Variants in TMEM234 observed in about 807,000 individuals in gnomAD.
TMEM234 encodes the protein transmembrane protein 234.
TMEM234 carries 21 observed loss-of-function variants against 17.8 expected under a neutral mutation model. The ratio of observed to expected loss-of-function variants is 1.18; its 90% CI spans 0.84 to 1.70. The LOEUF (loss-of-function observed/expected upper bound fraction) is 1.70. TMEM234 is among the 40% of genes most tolerant of loss of function. TMEM234 has a pLI of 0.00. For missense variants in TMEM234, 137 were observed against 166.9 expected (o/e 0.82, Z 0.99); for synonymous variants, 83 against 73.5 (o/e 1.13, Z -0.66).
chr1:32,219,399 TG>T (rs1197766489), intron 3 of TMEM234, among the ~76,000 whole-genome samples: 1 of 152,122 alleles, frequency 6.6e-6, no homozygotes, highest in African/African-American at 2.4e-5. Context: ...TCGTTTTTGT[TG>T]TTGTTGTTTT....
chr1:32,215,018 TG>T, downstream of TMEM234: 1 of 1,529,032 alleles, frequency 6.5e-7, no homozygotes, highest in Non-Finnish European at 8.8e-7. Flanking sequence ...GGGATGTCCA[TG>T]GGAGCAGAAT....
At position 32,222,014 on chromosome 1, in the gene TMEM234, C is replaced by T. The variant is rs751467766; in HGVS notation, c.21G>A (p.Gln7=). ...CGGCCACCAGCACCAGAGCCAACAC[C>T]TGCCCTGAATGCAGACGAGTGAGTC... MAASLG[Q]VLALVLVAAL... The change falls in exon 2 of 5, where the codon CAG becomes CAA. Residue 7 remains glutamine (Q), a synonymous_variant. Coordinates refer to ENST00000309777, the MANE Select transcript of TMEM234 (RefSeq NM_019118.5). 6 of 1,610,654 alleles carry T rather than the reference C, an allele frequency of 3.7e-6. No individual in the cohort carries two copies. The highest frequency in any genetic ancestry group is 3.4e-6 in the Non-Finnish European group (4 of 1,179,134).
At chr1:32,215,713 C>T, downstream of TMEM234, 1 of 1,213,678 alleles carries the variant, frequency 8.2e-7, no homozygotes. Flanking sequence ...CCAGTTTCTT[C>T]CTTCCTTGGG....
downstream of TMEM234, chr1:32,214,567 T>C: frequency 1.8e-6 from 1 of 548,498 alleles, no homozygotes; most frequent in South Asian, 2.2e-5. Flanking sequence ...GGAAGCACAG[T>C]CTGGTTTCAC....
downstream of TMEM234, chr1:32,214,625 T>C: frequency 1.1e-6 from 1 of 886,724 alleles, no homozygotes; most frequent in African/African-American, 1.7e-5. Flanking sequence ...CCTGGATAAG[T>C]CAGGCTGGTG....
chr1:32,215,636 C>A, downstream of TMEM234: 1 of 1,237,438 alleles, frequency 8.1e-7, no homozygotes, highest in East Asian at 2.4e-5. Flanking sequence ...GTTCTCCTCC[C>A]TTGTGATTGA....
At chr1:32,218,162 C>T (rs1381929039) in intron 3 of TMEM234, among the ~76,000 whole-genome samples, 3 of 152,336 alleles carry the variant, frequency 2.0e-5, no homozygotes, top group African/African-American at 4.8e-5. Context: ...GGGTGGCTCA[C>T]GCCTGTAATC....
At chr1:32,216,040 C>T (rs927262404), downstream of TMEM234, 2 of 778,878 alleles carry the variant, frequency 2.6e-6, no homozygotes, top group Non-Finnish European at 4.2e-6. Context: ...TCCCCGTTCT[C>T]CTGCTCCTAA....
At chr1:32,220,499 G>A (rs1394653134) in intron 3 of TMEM234, among the ~76,000 whole-genome samples, 1 of 152,172 alleles carries the variant, frequency 6.6e-6, no homozygotes, top group Non-Finnish European at 1.5e-5. Flanking sequence ...TTAATATATG[G>A]CTTCAAATCC....
rs994354980 is a variant in TMEM234 at position 32,216,615 on chromosome 1, CT to C, written c.*237del. 2 of 1,535,700 alleles carry C rather than the reference CT, an allele frequency of 1.3e-6. No individual in the cohort carries two copies. The highest frequency in any genetic ancestry group is 2.7e-5 in the African/African-American group (2 of 72,766). On this transcript the variant is annotated 3_prime_UTR_variant, in exon 5 of 5. Transcript: ENST00000309777. ...GAGAGCTGCTGGGGCAGAAAGGTTG[CT>C]GAGGGTGAGCGTAGAGTCTCCTGTG...
At chr1:32,214,659 ACGTACTTTGTGAAGACAGACGGTGT>A, downstream of TMEM234, 1 of 1,253,186 alleles carries the variant, frequency 8.0e-7, no homozygotes, top group Non-Finnish European at 1.1e-6. Flanking sequence ...AGGAGGGAGG[ACGTACTTTGTGAAGACAGACGGTGT>A]CTCCTCTGCC....
At chr1:32,214,834 C>T (rs1638251329), downstream of TMEM234, 1 of 1,613,986 alleles carries the variant, frequency 6.2e-7, no homozygotes, top group South Asian at 1.1e-5. Context: ...CAGCCCTCTC[C>T]AAAGGAACCA....
In TMEM234 at chr1:32,221,130, C is replaced by T; in HGVS notation, c.235+1G>A. On this transcript the variant is annotated splice_donor_variant, in intron 3 of 4. Coordinates refer to ENST00000309777, the MANE Select transcript of TMEM234 (RefSeq NM_019118.5). LOFTEE classifies it high-confidence loss of function. ...CAGAACAGTTCCAAGCCAGGACCCA[C>T]CTGTCGATGCCAAGGTGAGGTAATA... 1 of 1,613,202 alleles carries T rather than the reference C, an allele frequency of 6.2e-7. No individual in the cohort carries two copies. Among genetic ancestry groups the T allele is most frequent in the Non-Finnish European group, 8.5e-7 (1 of 1,179,606 alleles).
chr1:32,215,602 T>C (rs1319074273), downstream of TMEM234: 6 of 1,504,596 alleles, frequency 4.0e-6, no homozygotes, highest in Admixed American at 1.9e-5. Flanking sequence ...AGCTGGAAAC[T>C]GGCAGCCTTG....
At chr1:32,215,940 C>T (rs1438417893), downstream of TMEM234, 4 of 1,467,726 alleles carry the variant, frequency 2.7e-6, no homozygotes, top group African/African-American at 4.2e-5. Flanking sequence ...ACTACTCTGG[C>T]CACCTTTTGT....
Position 32,221,114 on chromosome 1 carries a change from T to C in TMEM234, c.235+17A>G. 6.2e-7 allele frequency: 1 copy of C among 1,611,248 alleles called. No individual in the cohort carries two copies. ...GGCCTCAAACACTAAGCAGAACAGT[T>C]CCAAGCCAGGACCCACCTGTCGATG... On this transcript the variant is annotated intron_variant, in intron 3 of 4. Transcript: ENST00000309777.
chr1:32,214,983 C>T, downstream of TMEM234: 2 of 1,608,772 alleles, frequency 1.2e-6, no homozygotes, highest in East Asian at 4.5e-5. Flanking sequence ...TTGACAGTGA[C>T]ATAGGTTGGT....
At position 32,221,144 on chromosome 1, in the gene TMEM234, G is replaced by A. The variant is rs774388907; in HGVS notation, c.222C>T (p.Thr74=). 37 of 1,613,180 alleles carry A rather than the reference G, an allele frequency of 2.3e-5. No individual in the cohort carries two copies. Among genetic ancestry groups the A allele is most frequent in the Non-Finnish European group, 2.4e-5 (28 of 1,179,704 alleles). The change falls in exon 3 of 5, where the codon ACC becomes ACT. Residue 74 remains threonine, a synonymous_variant. Coordinates refer to ENST00000309777, the MANE Select transcript of TMEM234 (RefSeq NM_019118.5). ...GCCAGGACCCACCTGTCGATGCCAAGGTGAGGTAATAGAGAAGGGATCCAC... is the reference window on the plus strand; with the variant it reads ...GCCAGGACCCACCTGTCGATGCCAAAGTGAGGTAATAGAGAAGGGATCCAC... The part of the protein sequence containing the change: ...NQCGSLLYYL[T]LASTDLTLAV...
intron 1 of TMEM234, 51 bp downstream of exon 1, chr1:32,222,256 A>T (rs761282190): frequency 6.5e-7 from 1 of 1,529,470 alleles, no homozygotes; most frequent in Non-Finnish European, 8.8e-7. Context: ...CAGGAAATGA[A>T]TTCGAGGCGA....
Sources: gnomAD v4.1 joint callset for allele counts (sites outside exome capture counted in the v4.1 genomes callset) on GRCh38, gnomAD v4.1.1 for gene constraint, MANE v1.5 for transcripts, NCBI Gene and HGNC (gene_info 2026-07-23, HGNC 2026-07-21) for gene names.